AGMO: variants seen among roughly 807,000 people sequenced by gnomAD.
AGMO encodes the protein glyceryl-ether monooxygenase.
AGMO carries 75 observed loss-of-function variants against 60.2 expected under a neutral mutation model. The observed-to-expected ratio is 1.25, with a 90% CI of 1.03 to 1.51. The LOEUF is 1.51. Ranked by LOEUF, AGMO falls within the 40% of genes most tolerant of loss-of-function variation. The pLI is 0.00. For missense variants in AGMO, 763 were observed against 525.5 expected, an observed-to-expected ratio of 1.45 and a Z score of -4.42; for synonymous variants, 261 against 177.1, an observed-to-expected ratio of 1.47 and a Z score of -3.76.
intron 3 of AGMO, among the ~76,000 whole-genome samples, chr7:15,522,947 T>A (rs1476412128): frequency 6.6e-6 from 1 of 152,154 alleles, no homozygotes; most frequent in African/African-American, 2.4e-5. Context: ...AATCTATCCA[T>A]CTGACAAAGG....
At chr7:15,245,295 G>A (rs1002523982) in intron 12 of AGMO, among the ~76,000 whole-genome samples, 9 of 152,068 alleles carry the variant, frequency 5.9e-5, no homozygotes, top group African/African-American at 2.2e-4. Context: ...TTTTCTTGTT[G>A]TTGTTTTCCC....
intron 12 of AGMO, among the ~76,000 whole-genome samples, chr7:15,220,727 G>C (rs948617434): frequency 6.6e-6 from 1 of 151,664 alleles, no homozygotes; most frequent in Admixed American, 6.6e-5. Context: ...ATTTAGAACC[G>C]ATTGTAAAAC....
the AGMO span, among the ~76,000 whole-genome samples, chr7:15,190,838 AT>A: frequency 2.7e-4 from 40 of 147,680 alleles, no homozygotes; most frequent in Middle Eastern, 3.5e-3. Flanking sequence ...CATTGCTCTC[AT>A]TTTTTTTTTT....
intron 12 of AGMO, among the ~76,000 whole-genome samples, chr7:15,278,612 A>G (rs1783869248): frequency 6.6e-6 from 1 of 152,160 alleles, no homozygotes; most frequent in Non-Finnish European, 1.5e-5. Flanking sequence ...ATGCCTCCTC[A>G]GCTGGAGCAA....
chr7:15,322,535 AAT>A lies in AGMO; in HGVS notation c.1263+42977_1263+42978del, dbSNP rs1298513890. 5.0e-3 allele frequency among the ~76,000 whole-genome samples: 270 copies of A among 53,466 alleles called. 19 individuals carry two copies. The highest frequency in any genetic ancestry group is 0.025 in the African/African-American group (207 of 8,430). The allele number at this position is 53,466 out of a possible 152,430, so 35.1% of individuals were successfully genotyped here. On this transcript the variant is annotated intron_variant, in intron 12 of 12. Transcript: ENST00000342526. ...ATATATAAATATATATAAATATATA[AAT>A]ATATATATAAATATATATAAATATA...
At chr7:15,312,124 A>G (rs77460374) in intron 12 of AGMO, among the ~76,000 whole-genome samples, 2,486 of 152,184 alleles carry the variant, frequency 0.016, 63 homozygotes, top group African/African-American at 0.053. Flanking sequence ...GACATGGAAG[A>G]TAAGAGTTGA....
chr7:15,240,630 A>T (rs757992410), intron 12 of AGMO, among the ~76,000 whole-genome samples: 2 of 152,182 alleles, frequency 1.3e-5, no homozygotes, highest in Non-Finnish European at 2.9e-5. Flanking sequence ...ACAAATACTT[A>T]TTTTGATAAC....
the AGMO span, among the ~76,000 whole-genome samples, chr7:15,135,671 G>C: frequency 2.2e-4 from 33 of 152,082 alleles, no homozygotes; most frequent in African/African-American, 7.7e-4. Flanking sequence ...ATTCCTCAGA[G>C]GACTCTTAAA....
At chr7:15,158,396 G>C in the AGMO span, among the ~76,000 whole-genome samples, 4 of 152,160 alleles carry the variant, frequency 2.6e-5, no homozygotes, top group Non-Finnish European at 5.9e-5. Flanking sequence ...ACATTTGTGA[G>C]GAGCACAACT....
intron 3 of AGMO, among the ~76,000 whole-genome samples, chr7:15,440,595 G>C (rs926036665): frequency 1.3e-5 from 2 of 152,166 alleles, no homozygotes; most frequent in African/African-American, 4.8e-5. Context: ...GTTACAGATA[G>C]GTAGTATGGT....
chr7:15,166,040 G>A, the AGMO span, among the ~76,000 whole-genome samples: 6 of 152,148 alleles, frequency 3.9e-5, no homozygotes, highest in East Asian at 1.9e-4. Context: ...AGCATGATAC[G>A]TTGCTAACAA....
the AGMO span, among the ~76,000 whole-genome samples, chr7:15,119,349 C>T: frequency 6.6e-6 from 1 of 151,990 alleles, no homozygotes; most frequent in Non-Finnish European, 1.5e-5. Flanking sequence ...GCCAATTAAA[C>T]CTCTTTTCTT....
At chr7:15,361,738 G>T (rs1326642460) in intron 12 of AGMO, among the ~76,000 whole-genome samples, 1 of 151,938 alleles carries the variant, frequency 6.6e-6, no homozygotes, top group African/African-American at 2.4e-5. Context: ...AACAGTTTAT[G>T]CAAAACAGAT....
Position 15,498,789 on chromosome 7 carries a change from C to T in AGMO, c.409+45983G>A, listed in dbSNP as rs79832133. Among the ~76,000 whole-genome samples, 933 of 152,018 alleles carry T rather than the reference C, an allele frequency of 6.1e-3. 11 individuals carry two copies. Among genetic ancestry groups the T allele is most frequent in the African/African-American group, 0.021 (887 of 41,546 alleles). The stretch of plus-strand genomic sequence containing the variant: ...TTTCTGTTTTATTGTGTTTTCAGAA[C>T]ATAAATGAGAAACAGTGAGAAACGT... On this transcript the variant is annotated intron_variant, in intron 3 of 12. Coordinates refer to ENST00000342526, the MANE Select transcript of AGMO (RefSeq NM_001004320.2).
At chr7:15,295,334 A>T (rs920406078) in intron 12 of AGMO, among the ~76,000 whole-genome samples, 1 of 152,066 alleles carries the variant, frequency 6.6e-6, no homozygotes, top group African/African-American at 2.4e-5. Flanking sequence ...ACTATAAGGT[A>T]AGCAAAGCAC....
chr7:15,161,779 C>G, the AGMO span, among the ~76,000 whole-genome samples: 1 of 151,988 alleles, frequency 6.6e-6, no homozygotes, highest in Non-Finnish European at 1.5e-5. Flanking sequence ...TTCTGTTTCT[C>G]TGGAGAACCC....
At chr7:15,340,228 T>G (rs1563096170) in intron 12 of AGMO, among the ~76,000 whole-genome samples, 3 of 152,206 alleles carry the variant, frequency 2.0e-5, no homozygotes. Context: ...AATTGCACGT[T>G]ACACACCTGC....
the AGMO span, among the ~76,000 whole-genome samples, chr7:15,131,376 C>T: frequency 6.6e-6 from 1 of 152,122 alleles, no homozygotes; most frequent in Non-Finnish European, 1.5e-5. Context: ...CTGGGCAGCA[C>T]AGCTCCAACT....
chr7:15,539,961 C>T (rs982583757), intron 3 of AGMO, among the ~76,000 whole-genome samples: 6 of 152,082 alleles, frequency 3.9e-5, no homozygotes, highest in Non-Finnish European at 8.8e-5. Context: ...CTGCCTGTAT[C>T]AGTCAGGGTC....
Sources: allele counts gnomAD v4.1 joint callset (sites outside exome capture counted in the v4.1 genomes callset), GRCh38; gene constraint gnomAD v4.1.1; transcripts MANE v1.5; gene names NCBI Gene and HGNC (gene_info 2026-07-23, HGNC 2026-07-21).